Variants in HSD17B12 observed in about 807,000 individuals in gnomAD.
The protein encoded by HSD17B12 is very-long-chain 3-oxoacyl-CoA reductase.
HSD17B12 carries 32 observed loss-of-function variants against 39.3 expected under a neutral mutation model. That is an observed-to-expected ratio of 0.81 (90% confidence interval 0.61 to 1.09). HSD17B12 has a LOEUF of 1.09. Among genes scored for constraint, HSD17B12 ranks in the 50% least tolerant of loss-of-function variants. The pLI is 0.00. For missense variants in HSD17B12, 342 were observed against 382.9 expected (o/e 0.89, Z 0.89); for synonymous variants, 150 against 146.7 (o/e 1.02, Z -0.16).
chr11:43,825,372 G>A (rs892384734), intron 6 of HSD17B12, among the ~76,000 whole-genome samples: 1 of 152,182 alleles, frequency 6.6e-6, no homozygotes, highest in Admixed American at 6.5e-5. Context: ...GAAAAGCACG[G>A]AAACATTTGT....
At chr11:43,586,368 A>T in the HSD17B12 span, among the ~76,000 whole-genome samples, 4 of 152,336 alleles carry the variant, frequency 2.6e-5, no homozygotes, top group East Asian at 7.7e-4. Context: ...CATCAGCACA[A>T]GAAAGTTGCT....
At chr11:43,683,928 G>A (rs1481381311) in intron 1 of HSD17B12, among the ~76,000 whole-genome samples, 1 of 152,130 alleles carries the variant, frequency 6.6e-6, no homozygotes, top group Admixed American at 6.5e-5. Flanking sequence ...CTCACTTTTT[G>A]TCTTTTCTCA....
chr11:43,706,663 G>A (rs1392781960), intron 1 of HSD17B12, among the ~76,000 whole-genome samples: 1 of 140,570 alleles, frequency 7.1e-6, no homozygotes, highest in African/African-American at 2.9e-5. Flanking sequence ...CAGTAACTTA[G>A]TCAAGCTTTG....
chr11:43,705,006 G>T (rs149345347), intron 1 of HSD17B12, among the ~76,000 whole-genome samples: 2 of 152,178 alleles, frequency 1.3e-5, no homozygotes, highest in Admixed American at 6.5e-5. Context: ...AGCTGAAAGC[G>T]TCCTAAGCTA....
the HSD17B12 span, among the ~76,000 whole-genome samples, chr11:43,628,615 A>G: frequency 6.6e-6 from 1 of 152,108 alleles, no homozygotes; most frequent in Non-Finnish European, 1.5e-5. Context: ...ATGGAAGCAT[A>G]CATTCATATA....
At chr11:43,609,105 T>G in the HSD17B12 span, among the ~76,000 whole-genome samples, 1 of 151,750 alleles carries the variant, frequency 6.6e-6, no homozygotes, top group Non-Finnish European at 1.5e-5. Context: ...ATTTTTTTTT[T>G]GTATGTGTGT....
chr11:43,604,994 T>C, the HSD17B12 span, among the ~76,000 whole-genome samples: 1 of 152,114 alleles, frequency 6.6e-6, no homozygotes, highest in Non-Finnish European at 1.5e-5. Context: ...CAAGAAGATA[T>C]GAGGATTTGT....
chr11:43,573,271 C>T, the HSD17B12 span, among the ~76,000 whole-genome samples: 1 of 152,168 alleles, frequency 6.6e-6, no homozygotes, highest in South Asian at 2.1e-4. Flanking sequence ...TGAGACAGCT[C>T]GGGAAGCCAA....
rs60598991 is a variant in HSD17B12, at chr11:43,757,639, C to CAAAAAA, written c.283+3541_283+3546dup. 7.2e-3 allele frequency among the ~76,000 whole-genome samples: 52 copies of CAAAAAA among 7,200 alleles called. 15 individuals are homozygous for CAAAAAA. The highest frequency in any genetic ancestry group is 7.7e-3 in the Non-Finnish European group (26 of 3,358). 4.7% of individuals were successfully genotyped at this position (7,200 alleles called of 152,430 possible). On this transcript the variant is annotated intron_variant, in intron 3 of 10. Transcript: ENST00000278353. ...TGGGCGACAGAGCGAGACTCCGTCTCAAAAAAAAAAAAAAAAAAAAAAAAA... is the reference window on the plus strand; with the variant it reads ...TGGGCGACAGAGCGAGACTCCGTCTCAAAAAAAAAAAAAAAAAAAAAAAAAAAAAAA...
intron 2 of HSD17B12, among the ~76,000 whole-genome samples, chr11:43,753,817 C>T (rs1383254730): frequency 2.0e-5 from 3 of 152,062 alleles, no homozygotes; most frequent in Admixed American, 2.0e-4. Context: ...AAGTAAAAGT[C>T]TCCCTCCTTC....
At chr11:43,660,127 T>G in the HSD17B12 span, among the ~76,000 whole-genome samples, 5 of 152,058 alleles carry the variant, frequency 3.3e-5, no homozygotes, top group Non-Finnish European at 5.9e-5. Flanking sequence ...GCATGTAAAC[T>G]CCCTCTCTGA....
chr11:43,687,626 C>T (rs967670995), intron 1 of HSD17B12, among the ~76,000 whole-genome samples: 9 of 152,198 alleles, frequency 5.9e-5, no homozygotes, highest in African/African-American at 1.9e-4. Flanking sequence ...GCAGGGCCCT[C>T]ATGAAACGAG....
chr11:43,711,231 A>G (rs1005308774), intron 1 of HSD17B12, among the ~76,000 whole-genome samples: 4 of 152,218 alleles, frequency 2.6e-5, no homozygotes, highest in African/African-American at 7.2e-5. Context: ...ATTTCAAAAG[A>G]AAAGAACCTA....
intron 3 of HSD17B12, among the ~76,000 whole-genome samples, chr11:43,756,255 A>G (rs1950507093): frequency 6.6e-6 from 1 of 151,936 alleles, no homozygotes; most frequent in African/African-American, 2.4e-5. Context: ...TGCTGAGAGT[A>G]CAGATCTTTA....
chr11:43,846,598 G>C (rs1951476981), intron 9 of HSD17B12, among the ~76,000 whole-genome samples: 1 of 152,254 alleles, frequency 6.6e-6, no homozygotes, highest in Non-Finnish European at 1.5e-5. Flanking sequence ...CTGGGAGGCA[G>C]AGGTTGCTGT....
intron 6 of HSD17B12, among the ~76,000 whole-genome samples, chr11:43,827,351 T>C (rs1174519474): frequency 6.6e-6 from 1 of 152,196 alleles, no homozygotes; most frequent in Admixed American, 6.5e-5. Context: ...ATGCCAAAGA[T>C]TACATGATAT....
intron 3 of HSD17B12, among the ~76,000 whole-genome samples, chr11:43,778,254 C>T (rs1316139278): frequency 1.2e-4 from 18 of 152,104 alleles, no homozygotes; most frequent in African/African-American, 2.4e-4. Context: ...ATAAATTCCT[C>T]GACACATACA....
At position 43,711,664 on chromosome 11, in the gene HSD17B12, G is replaced by A. The variant is rs533511679; in HGVS notation, c.160+30677G>A. The stretch of plus-strand genomic sequence containing the variant: ...TAATTTTTATATTTTGAGTAGAGAC[G>A]GGTTTTTGCCTTGTTGCCCAGGTTG... On this transcript the variant is annotated intron_variant, in intron 1 of 10. Coordinates refer to ENST00000278353, the MANE Select transcript of HSD17B12 (RefSeq NM_016142.3). Among the ~76,000 whole-genome samples the A allele has an allele frequency of 3.3e-5, 5 of 151,766 alleles. No individual in the cohort carries two copies. In the East Asian group the frequency reaches 5.8e-4, roughly 18 times the overall value.
At chr11:43,613,259 G>A in the HSD17B12 span, among the ~76,000 whole-genome samples, 1 of 152,048 alleles carries the variant, frequency 6.6e-6, no homozygotes, top group Non-Finnish European at 1.5e-5. Context: ...AGACATGGTG[G>A]CGCATGCCTG....
Sources: allele counts gnomAD v4.1 joint callset (sites outside exome capture counted in the v4.1 genomes callset), GRCh38; gene constraint gnomAD v4.1.1; transcripts MANE v1.5; gene names NCBI Gene and HGNC (gene_info 2026-07-23, HGNC 2026-07-21).